The following MDGA2 variants were observed in gnomAD, a reference collection of about 807,000 sequenced individuals.
MDGA2 encodes MAM domain-containing glycosylphosphatidylinositol anchor protein 2.
Under a neutral mutation model 117.8 loss-of-function variants are expected in MDGA2, and 40 were observed. The observed-to-expected ratio is 0.34, with a 90% CI of 0.26 to 0.44. MDGA2 has a LOEUF of 0.44. Ranked by LOEUF, MDGA2 falls within the 20% of genes least tolerant of loss-of-function variation. The probability of loss-of-function intolerance (pLI) is 1.00; values close to 1 mark genes in which losing one functional copy is unlikely to be tolerated. For synonymous variants in MDGA2, 452 were observed against 439.0 expected (o/e 1.03, Z -0.37); for missense variants, 1,123 against 1,250.6 (o/e 0.90, Z 1.54).
intron 10 of MDGA2, among the ~76,000 whole-genome samples, chr14:46,890,510 T>C (rs952413456): frequency 1.3e-5 from 2 of 152,144 alleles, no homozygotes; most frequent in African/African-American, 4.8e-5. Context: ...TAGCATCAGT[T>C]ACTGATTATA....
chr14:47,607,188 A>C (rs916063823), intron 1 of MDGA2, among the ~76,000 whole-genome samples: 1 of 152,170 alleles, frequency 6.6e-6, no homozygotes, highest in Non-Finnish European at 1.5e-5. Context: ...AAATTGCCTG[A>C]CATTCATCTC....
intron 3 of MDGA2, among the ~76,000 whole-genome samples, chr14:47,168,392 A>G (rs1883978241): frequency 6.6e-6 from 1 of 151,768 alleles, no homozygotes; most frequent in Non-Finnish European, 1.5e-5. Flanking sequence ...TCATAAATTT[A>G]CCATAATTTC....
intron 1 of MDGA2, among the ~76,000 whole-genome samples, chr14:47,344,909 A>G (rs1890732246): frequency 6.6e-6 from 1 of 152,002 alleles, no homozygotes; most frequent in African/African-American, 2.4e-5. Context: ...CATACACAAA[A>G]TCAATGAATT....
chr14:47,306,863 GA>G (rs1889466740), intron 1 of MDGA2, among the ~76,000 whole-genome samples: 1 of 151,850 alleles, frequency 6.6e-6, no homozygotes, highest in Non-Finnish European at 1.5e-5. Flanking sequence ...GAGAGAGAGA[GA>G]GAGAGGCAGA....
At chr14:47,139,267 A>T (rs1882600152) in intron 4 of MDGA2, among the ~76,000 whole-genome samples, 1 of 152,008 alleles carries the variant, frequency 6.6e-6, no homozygotes, top group African/African-American at 2.4e-5. Context: ...ACACATACTA[A>T]TTATTGTTCT....
rs555856436 is a variant in MDGA2 at position 46,840,300 on chromosome 14, T to A, written c.*1631A>T. On this transcript the variant is annotated 3_prime_UTR_variant, in exon 17 of 17. Coordinates refer to ENST00000399232, the MANE Select transcript of MDGA2 (RefSeq NM_001113498.3). ...CAATTGCTTGCATAATCAGTTTTTT[T>A]AATCCTGGGGTGTTGAAAGAACATA... The A allele has an allele frequency of 5.0e-4, 77 of 152,536 alleles. No homozygotes were observed. Among genetic ancestry groups the A allele is most frequent in the African/African-American group, 1.8e-3 (74 of 41,548 alleles). 9.4% of individuals were successfully genotyped at this position (152,536 alleles called of 1,614,324 possible).
intron 3 of MDGA2, among the ~76,000 whole-genome samples, chr14:47,210,728 A>G (rs1355873192): frequency 6.6e-6 from 1 of 152,174 alleles, no homozygotes; most frequent in Non-Finnish European, 1.5e-5. Context: ...TAAAATTACA[A>G]TTGCAGGGGC....
intron 8 of MDGA2, among the ~76,000 whole-genome samples, chr14:47,028,149 C>T (rs1888541288): frequency 6.6e-6 from 1 of 152,016 alleles, no homozygotes; most frequent in South Asian, 2.1e-4. Context: ...AAGCTCTCTT[C>T]GAAGTCATTA....
At chr14:47,622,999 C>T (rs762504631) in intron 1 of MDGA2, among the ~76,000 whole-genome samples, 1 of 151,956 alleles carries the variant, frequency 6.6e-6, no homozygotes, top group African/African-American at 2.4e-5. Flanking sequence ...CTAAAGTTCA[C>T]GTATTGGAAA....
intron 1 of MDGA2, among the ~76,000 whole-genome samples, chr14:47,546,564 T>C (rs2138767334): frequency 6.6e-6 from 1 of 152,298 alleles, no homozygotes; most frequent in Admixed American, 6.5e-5. Context: ...GGACTGTATT[T>C]GGACCATCAG....
In MDGA2 at chr14:47,119,169, G is replaced by GCGC. The variant is rs1225981074; in HGVS notation, c.925+12544_925+12545insGCG. On this transcript the variant is annotated intron_variant, in intron 5 of 16. Transcript: ENST00000399232. ...GGGTTCACGCCATTCTCCTGCCTCA[G>GCGC]CCCCGCCCCCCCCCCCCCACCCCGT... 1.0e-4 allele frequency among the ~76,000 whole-genome samples: 2 copies of GCGC among 19,400 alleles called. 1 individual carries two copies. The highest frequency in any genetic ancestry group is 2.3e-4 in the Non-Finnish European group (2 of 8,554). The allele number at this position is 19,400 out of a possible 152,430, so 12.7% of individuals were successfully genotyped here.
Position 47,382,111 on chromosome 14 carries a change from C to T in MDGA2, c.281-80561G>A, listed in dbSNP as rs984676644. ...AAAAAGAAGGAATGGGGAAAGGATT[C>T]CCTATTTAATAAATGATGCTGGGAA... On this transcript the variant is annotated intron_variant, in intron 1 of 16. Coordinates refer to ENST00000399232, the MANE Select transcript of MDGA2 (RefSeq NM_001113498.3). Among the ~76,000 whole-genome samples, 6 of 152,248 alleles carry T rather than the reference C, an allele frequency of 3.9e-5. No homozygotes were observed. The South Asian group carries it at 1.0e-3, about 26-fold the overall frequency.
At chr14:47,462,375 CAAAAAA>C (rs373508880) in intron 1 of MDGA2, among the ~76,000 whole-genome samples, 2 of 96,070 alleles carry the variant, frequency 2.1e-5, no homozygotes, top group African/African-American at 8.0e-5. Flanking sequence ...GACTCCGTCC[CAAAAAA>C]AAAAAAAAAA....
intron 1 of MDGA2, among the ~76,000 whole-genome samples, chr14:47,611,375 A>C (rs1594942927): frequency 1.3e-5 from 2 of 152,298 alleles, no homozygotes; most frequent in South Asian, 4.1e-4. Context: ...AATTAACCTA[A>C]AGAGCTTTTG....
chr14:47,248,220 A>T (rs891452412), intron 2 of MDGA2, among the ~76,000 whole-genome samples: 12 of 151,756 alleles, frequency 7.9e-5, no homozygotes, highest in South Asian at 4.2e-4. Context: ...TAAATAAAAA[A>T]AATAAATATA....
At chr14:47,461,234 C>A (rs1893476481) in intron 1 of MDGA2, among the ~76,000 whole-genome samples, 1 of 147,834 alleles carries the variant, frequency 6.8e-6, no homozygotes, top group Non-Finnish European at 1.5e-5. Context: ...ATTAAATACT[C>A]TCATCATTCC....
intron 2 of MDGA2, among the ~76,000 whole-genome samples, chr14:47,242,602 G>A (rs533788878): frequency 6.6e-6 from 1 of 151,986 alleles, no homozygotes; most frequent in East Asian, 1.9e-4. Flanking sequence ...TGGCTGCGGA[G>A]GGTGTACTGA....
At chr14:47,313,091 T>TCA (rs1195127407) in intron 1 of MDGA2, among the ~76,000 whole-genome samples, 4 of 152,076 alleles carry the variant, frequency 2.6e-5, no homozygotes, top group African/African-American at 7.2e-5. Context: ...GCTTAGATTC[T>TCA]CACACCAAAA....
chr14:46,901,433 G>A (rs183666707), intron 10 of MDGA2, among the ~76,000 whole-genome samples: 168 of 152,270 alleles, frequency 1.1e-3, no homozygotes, highest in African/African-American at 3.7e-3. Context: ...GGACTGGCAT[G>A]CTTCTTGATA....
Sources: gnomAD v4.1 joint callset for allele counts (sites outside exome capture counted in the v4.1 genomes callset) on GRCh38, gnomAD v4.1.1 for gene constraint, MANE v1.5 for transcripts, NCBI Gene and HGNC (gene_info 2026-07-23, HGNC 2026-07-21) for gene names.